Variants in CFAP92 observed in about 807,000 individuals in gnomAD.
CFAP92 encodes the protein cilia and flagella associated protein 92 (putative).
CFAP92 carries 86 observed loss-of-function variants against 106.3 expected under a neutral mutation model. The observed-to-expected ratio is 0.81, with a 90% CI of 0.68 to 0.97. CFAP92 has a LOEUF of 0.97. CFAP92 is among the 50% of genes least tolerant of loss of function. The pLI, the probability that CFAP92 is intolerant of heterozygous loss-of-function variation, is 0.00. For synonymous variants in CFAP92, 477 were observed against 506.4 expected, an observed-to-expected ratio of 0.94 and a Z score of 0.78; for missense variants, 1,204 against 1,283.8, an observed-to-expected ratio of 0.94 and a Z score of 0.95.
intron 13 of CFAP92, 40 bp from the exon 14 acceptor site, chr3:128,915,603 T>C: frequency 7.6e-7 from 1 of 1,317,110 alleles, no homozygotes; most frequent in Non-Finnish European, 1.0e-6. Flanking sequence ...GAAGGGCTAA[T>C]AGCAATCTTG....
At chr3:128,951,208 C>A (rs1182530168) in intron 9 of CFAP92, among the ~76,000 whole-genome samples, 2 of 151,382 alleles carry the variant, frequency 1.3e-5, no homozygotes, top group Non-Finnish European at 2.9e-5. Flanking sequence ...GCACTCCAGC[C>A]TGGGTGACAG....
intron 4 of CFAP92, among the ~76,000 whole-genome samples, chr3:128,982,102 T>C (rs1049209907): frequency 2.0e-5 from 3 of 152,244 alleles, no homozygotes; most frequent in Non-Finnish European, 4.4e-5. Flanking sequence ...AAGCCAGGCA[T>C]TGACTTCTCT....
At chr3:128,921,981 G>A (rs1445636939) in intron 12 of CFAP92, among the ~76,000 whole-genome samples, 1 of 152,070 alleles carries the variant, frequency 6.6e-6, no homozygotes, top group South Asian at 2.1e-4. Context: ...TACTTGGAAG[G>A]TCTAGTTTAA....
At chr3:128,971,620 T>C (rs1314727588) in intron 7 of CFAP92, among the ~76,000 whole-genome samples, 187 bp from the exon 8 acceptor site, 1 of 152,288 alleles carries the variant, frequency 6.6e-6, no homozygotes, top group Middle Eastern at 3.4e-3. Flanking sequence ...GGCAGGCCCG[T>C]TGCCAGTTAT....
chr3:128,926,792 CT>C (rs1937695990), intron 12 of CFAP92, among the ~76,000 whole-genome samples: 3 of 151,998 alleles, frequency 2.0e-5, no homozygotes, highest in African/African-American at 7.2e-5. Flanking sequence ...GGATTAGTGT[CT>C]TTGCAAGAAG....
intron 9 of CFAP92, among the ~76,000 whole-genome samples, chr3:128,964,919 T>A (rs985197919): frequency 1.3e-5 from 2 of 152,102 alleles, no homozygotes; most frequent in African/African-American, 4.8e-5. Flanking sequence ...ACTTCAACAC[T>A]ATTTTGTTTT....
chr3:129,023,474 G>A, the CFAP92 span, among the ~76,000 whole-genome samples: 29 of 152,124 alleles, frequency 1.9e-4, no homozygotes, highest in Admixed American at 1.6e-3. Flanking sequence ...GACTACAGGC[G>A]CCCGCCACCA....
chr3:128,932,097 T>C (rs62265290), intron 12 of CFAP92, among the ~76,000 whole-genome samples: 7,271 of 152,270 alleles, frequency 0.048, 358 homozygotes, highest in African/African-American at 0.12. Context: ...TAGGAGTCTT[T>C]GTTTTAAACT....
intron 12 of CFAP92, among the ~76,000 whole-genome samples, chr3:128,919,917 A>G (rs1001440192): frequency 6.6e-6 from 1 of 152,242 alleles, no homozygotes; most frequent in Non-Finnish European, 1.5e-5. Context: ...AAGGAGATTT[A>G]TCTGTCCTCT....
chr3:129,010,218 G>A, the CFAP92 span, among the ~76,000 whole-genome samples: 1 of 152,246 alleles, frequency 6.6e-6, no homozygotes, highest in African/African-American at 2.4e-5. This position sits in a 1 kb window ranked among gnomAD's most constrained non-coding sequence, Gnocchi z 4.3. Context: ...GTCTCTGGTG[G>A]GTTTGTGACA....
intron 3 of CFAP92, among the ~76,000 whole-genome samples, chr3:128,988,422 T>C (rs1211130851): frequency 1.3e-5 from 2 of 152,118 alleles, no homozygotes; most frequent in East Asian, 1.9e-4. Context: ...GTGCTTGTAA[T>C]TCCAGCTACT....
chr3:129,014,387 G>A, the CFAP92 span, among the ~76,000 whole-genome samples: 5 of 152,176 alleles, frequency 3.3e-5, no homozygotes, highest in Non-Finnish European at 7.3e-5. This position sits in a 1 kb window ranked among gnomAD's most constrained non-coding sequence, Gnocchi z 4.3. Context: ...GTGCGGTGTC[G>A]CAGCGTTGGC....
chr3:128,911,562 T>TGAGTA (rs970069348), intron 15 of CFAP92, among the ~76,000 whole-genome samples: 9 of 152,132 alleles, frequency 5.9e-5, no homozygotes, highest in African/African-American at 2.2e-4. Flanking sequence ...CTCAGCCTCC[T>TGAGTA]GAGTAGTTGG....
the CFAP92 span, among the ~76,000 whole-genome samples, chr3:129,020,659 G>A: frequency 6.6e-6 from 1 of 152,126 alleles, no homozygotes; most frequent in Non-Finnish European, 1.5e-5. Flanking sequence ...ATAAAATGAT[G>A]GGAAAGTTGA....
At chr3:128,970,295 T>A (rs536280213) in intron 8 of CFAP92, 1 of 152,134 alleles carries the variant, frequency 6.6e-6, no homozygotes, top group African/African-American at 2.4e-5. Context: ...CAAACTGAAT[T>A]GACACCAACC....
chr3:128,984,383 G>A (rs1269791044), intron 4 of CFAP92, among the ~76,000 whole-genome samples: 1 of 152,178 alleles, frequency 6.6e-6, no homozygotes, highest in Non-Finnish European at 1.5e-5. Context: ...CTAGAAGAAA[G>A]CAGGCAGAAG....
intron 8 of CFAP92, chr3:128,969,731 C>A: frequency 6.6e-6 from 1 of 152,296 alleles, no homozygotes. Flanking sequence ...ATCATGGGTT[C>A]CTCCTTGGGA....
At chr3:128,976,593 A>G (rs552032505) in intron 6 of CFAP92, among the ~76,000 whole-genome samples, 1 of 152,302 alleles carries the variant, frequency 6.6e-6, no homozygotes, top group African/African-American at 2.4e-5. Context: ...AGAGACCCTA[A>G]GAGCAACTGA....
intron 10 of CFAP92, among the ~76,000 whole-genome samples, chr3:128,943,913 T>TCC (rs1559879030): frequency 1.1e-5 from 1 of 87,012 alleles, no homozygotes; most frequent in African/African-American, 1.0e-4. Flanking sequence ...TTTGGGTTAT[T>TCC]TCCCCCGTTT....
Sources: allele counts gnomAD v4.1 joint callset (sites outside exome capture counted in the v4.1 genomes callset), GRCh38; gene constraint gnomAD v4.1.1; non-coding constraint Gnocchi (gnomAD v3.1); transcripts MANE v1.5; gene names NCBI Gene and HGNC (gene_info 2026-07-23, HGNC 2026-07-21).